Variants in BZW1 observed in about 807,000 individuals in gnomAD.
BZW1 encodes the protein basic leucine zipper and W2 domains 1.
In BZW1, 3 loss-of-function variants were observed where a neutral mutation model predicts 54.1. That is an observed-to-expected ratio of 0.06 (90% CI 0.03 to 0.14). The LOEUF (loss-of-function observed/expected upper bound fraction) is 0.14. BZW1 is among the 10% of genes least tolerant of loss of function. BZW1 has a pLI of 1.00. For missense variants in BZW1, 206 were observed against 491.7 expected (o/e 0.42, Z 5.50); for synonymous variants, 152 against 162.7 (o/e 0.93, Z 0.50).
Position 200,822,254 on chromosome 2 carries a change from A to G in BZW1, c.*76A>G. On this transcript the variant is annotated 3_prime_UTR_variant, in exon 12 of 12. Transcript: ENST00000409600. ...TCATGTCTCATGTGTCCTGGTTCTT[A>G]CATCTTCCTACCTCCCTGTATCAAG... 4.0e-6 allele frequency: 5 copies of G among 1,259,842 alleles called. No individual in the cohort carries two copies. Among genetic ancestry groups the G allele is most frequent in the Non-Finnish European group, 5.7e-6 (5 of 883,830 alleles). 78.0% of individuals were successfully genotyped at this position (1,259,842 alleles called of 1,614,324 possible). A position where few individuals can be genotyped will look rare whatever the true frequency, so the allele number is the denominator to read the frequency against.
chr2:200,826,169 G>GA lies in BZW1; in HGVS notation c.*3993dup, dbSNP rs2105715781. Reference sequence around the variant, plus strand: ...AAAACTCTTAAGTGGATTAATATCTGAACAATCTTAGACATAATTATATGA... The same window carrying GA: ...AAAACTCTTAAGTGGATTAATATCTGAAACAATCTTAGACATAATTATATGA... On this transcript the variant is annotated 3_prime_UTR_variant, in exon 12 of 12. Coordinates refer to ENST00000409600, the MANE Select transcript of BZW1 (RefSeq NM_001207067.2). The GA allele has an allele frequency of 6.6e-6, 1 of 152,216 alleles. No individual in the cohort carries two copies. The highest frequency in any genetic ancestry group is 2.1e-4 in the South Asian group (1 of 4,822). 9.4% of individuals were successfully genotyped at this position (152,216 alleles called of 1,614,324 possible).
Position 200,825,425 on chromosome 2 carries a change from A to G in BZW1, c.*3247A>G, listed in dbSNP as rs2038667093. 6.6e-6 allele frequency: 1 copy of G among 152,058 alleles called. No individual in the cohort carries two copies. Among genetic ancestry groups the G allele is most frequent in the Non-Finnish European group, 1.5e-5 (1 of 68,018 alleles). The allele number at this position is 152,058 out of a possible 1,614,324, so 9.4% of individuals were successfully genotyped here. On this transcript the variant is annotated 3_prime_UTR_variant, in exon 12 of 12. Coordinates refer to ENST00000409600, the MANE Select transcript of BZW1 (RefSeq NM_001207067.2). ...GAGAATGCATGCTCTAATATTTTTTAAAAGGGAAGAAGACCTAGTGATAGA... is the reference window on the plus strand; with the variant it reads ...GAGAATGCATGCTCTAATATTTTTTGAAAGGGAAGAAGACCTAGTGATAGA...
chr2:200,812,968 T>A, intron 1 of BZW1: 1 of 683,804 alleles, frequency 1.5e-6, no homozygotes, highest in Non-Finnish European at 2.7e-6. Context: ...ACAATGTCGC[T>A]TAAAAGTAGT....
intron 2 of BZW1, 45 bp from the exon 3 acceptor site, chr2:200,815,296 G>T (rs1306196966): frequency 3.3e-6 from 5 of 1,535,574 alleles, no homozygotes; most frequent in African/African-American, 1.4e-5. Flanking sequence ...TGGCATTTTG[G>T]TAAATCTTTT....
At chr2:200,813,118 A>G in intron 1 of BZW1, 90 bp from the exon 2 acceptor site, 1 of 1,088,020 alleles carries the variant, frequency 9.2e-7, no homozygotes, top group Non-Finnish European at 1.4e-6. Flanking sequence ...GTTCCATTTG[A>G]TTCATATGTG....
chr2:200,818,275 C>T lies in BZW1; in HGVS notation c.701C>T (p.Thr234Ile). ...QSVEHFTKYF[T>I]EAGLKELSEY... ...GTTGAACACTTCACAAAATATTTTA[C>T]TGAGGCAGGCTTGAAAGAGCTTTCA... Residue 234 changes from threonine (T) to isoleucine (I), a missense_variant, in exon 8 of 12, where the codon ACT becomes ATT. By Grantham distance (89) the Thr-to-Ile change is moderately conservative (BLOSUM62 -1). This residue lies in a region of BZW1 where 81 missense variants were observed against 257.1 expected (regional missense o/e 0.32). Transcript: ENST00000409600. 1 of 1,608,320 alleles carries T rather than the reference C, an allele frequency of 6.2e-7. No homozygotes were observed. The highest frequency in any genetic ancestry group is 8.5e-7 in the Non-Finnish European group (1 of 1,177,598).
intron 2 of BZW1, among the ~76,000 whole-genome samples, chr2:200,814,313 C>T (rs1166732633): frequency 6.6e-6 from 1 of 152,162 alleles, no homozygotes; most frequent in Non-Finnish European, 1.5e-5. Flanking sequence ...AGAGATGATT[C>T]GTGGCCTGGC....
intron 2 of BZW1, among the ~76,000 whole-genome samples, chr2:200,813,630 ACTC>A (rs1467291479): frequency 6.6e-6 from 1 of 152,222 alleles, no homozygotes; most frequent in African/African-American, 2.4e-5. Context: ...TAAAAGGAGA[ACTC>A]CTAATGTAGT....
intron 5 of BZW1, 141 bp downstream of exon 5, chr2:200,816,531 C>G (rs2038298136): frequency 1.9e-6 from 1 of 521,052 alleles, no homozygotes; most frequent in Non-Finnish European, 3.2e-6. Context: ...CACTCTGTGT[C>G]CCAGGCTGGG....
Position 200,825,032 on chromosome 2 carries a change from C to T in BZW1, c.*2854C>T, listed in dbSNP as rs2038655960. 6.6e-6 allele frequency: 1 copy of T among 151,894 alleles called. No homozygotes were observed. Among genetic ancestry groups the T allele is most frequent in the Admixed American group, 6.6e-5 (1 of 15,220 alleles). 9.4% of individuals were successfully genotyped at this position (151,894 alleles called of 1,614,324 possible). On this transcript the variant is annotated 3_prime_UTR_variant, in exon 12 of 12. Transcript: ENST00000409600. ...TTACCATAGATACGCTGTGTATGTACTGTTTCTGTGCTTTGTACATGAAAA... is the reference window on the plus strand; with the variant it reads ...TTACCATAGATACGCTGTGTATGTATTGTTTCTGTGCTTTGTACATGAAAA...
intron 2 of BZW1, 62 bp from the exon 3 acceptor site, chr2:200,815,279 A>G (rs2038243226): frequency 6.8e-7 from 1 of 1,466,520 alleles, no homozygotes. Context: ...ATAAGGTGAT[A>G]GTTTTGTGGC....
intron 9 of BZW1, among the ~76,000 whole-genome samples, chr2:200,819,750 G>A (rs1380648034): frequency 6.6e-6 from 1 of 151,910 alleles, no homozygotes; most frequent in Non-Finnish European, 1.5e-5. Flanking sequence ...TGGCCAGGCT[G>A]GTCTCGAACT....
At chr2:200,816,643 C>T (rs931482699) in intron 5 of BZW1, among the ~76,000 whole-genome samples, 8 of 152,132 alleles carry the variant, frequency 5.3e-5, no homozygotes, top group African/African-American at 1.7e-4. Context: ...AGGCATGTGC[C>T]ACCATGCCCA....
chr2:200,823,799 G>T lies in BZW1; in HGVS notation c.*1621G>T, dbSNP rs1350703284. On this transcript the variant is annotated 3_prime_UTR_variant, in exon 12 of 12. Transcript: ENST00000409600. ...ACTTTGTAATTTGTAGTTCTCAAAA[G>T]ACTTTTTTTTAAAAAAATAAAGTCC... is the stretch of plus-strand genomic sequence containing the variant. 1 of 151,452 alleles carries T rather than the reference G, an allele frequency of 6.6e-6. No homozygotes were observed. The highest frequency in any genetic ancestry group is 1.5e-5 in the Non-Finnish European group (1 of 67,828). The allele number at this position is 151,452 out of a possible 1,614,324, so 9.4% of individuals were successfully genotyped here.
At chr2:200,812,903 G>C (rs946611888) in intron 1 of BZW1, 1 of 658,436 alleles carries the variant, frequency 1.5e-6, no homozygotes, top group Admixed American at 2.1e-5. Context: ...AATGTAAAGA[G>C]GAATGTGGAG....
chr2:200,819,258 C>T (rs2038414169), intron 9 of BZW1: 5 of 218,730 alleles, frequency 2.3e-5, no homozygotes, highest in South Asian at 1.2e-4. Context: ...GTCGTGGTGG[C>T]GCATGCCTGT....
At chr2:200,822,097 C>T (rs751174656) in intron 11 of BZW1, 50 bp from the exon 12 acceptor site, 131 of 1,525,056 alleles carry the variant, frequency 8.6e-5, no homozygotes, top group Admixed American at 5.8e-4. Context: ...TAAATGGGAA[C>T]TTTTGCCTTC....
intron 4 of BZW1, 51 bp from the exon 5 acceptor site, chr2:200,816,273 TG>T: frequency 7.4e-7 from 1 of 1,347,986 alleles, no homozygotes; most frequent in Non-Finnish European, 1.0e-6. Context: ...TTTACTACTT[TG>T]CTATTCTAGA....
rs1279442775 is a variant in BZW1 at position 200,818,087 on chromosome 2, G to A, written c.648+4G>A. On this transcript the variant is annotated splice_donor_region_variant and intron_variant, in intron 7 of 11. Coordinates refer to ENST00000409600, the MANE Select transcript of BZW1 (RefSeq NM_001207067.2). Reference sequence around the variant, plus strand: ...CAGCATGGATAACAGACTGATGGTTGGTAACTTTTTTTCATTCTTCCCATT... The same window carrying A: ...CAGCATGGATAACAGACTGATGGTTAGTAACTTTTTTTCATTCTTCCCATT... The A allele has an allele frequency of 5.8e-6, 9 of 1,544,304 alleles. No homozygotes were observed. Among genetic ancestry groups the A allele is most frequent in the South Asian group, 3.6e-5 (3 of 82,994 alleles).
Sources: gnomAD v4.1 joint callset for allele counts (sites outside exome capture counted in the v4.1 genomes callset) on GRCh38, gnomAD v4.1.1 for gene constraint, gnomAD v4.1.1 regional missense constraint, MANE v1.5 for transcripts, NCBI Gene and HGNC (gene_info 2026-07-23, HGNC 2026-07-21) for gene names.